The following CAMK1D variants were observed in gnomAD, a reference collection of about 807,000 sequenced individuals.
CAMK1D encodes the protein calcium/calmodulin-dependent protein kinase type 1D.
CAMK1D carries 9 observed loss-of-function variants against 47.7 expected under a neutral mutation model. The ratio of observed to expected loss-of-function variants is 0.19; its 90% CI spans 0.11 to 0.33. The LOEUF is 0.33. CAMK1D is among the 10% of genes least tolerant of loss of function. CAMK1D has a pLI of 1.00. For synonymous variants in CAMK1D, 184 were observed against 184.9 expected, an observed-to-expected ratio of 0.99 and a Z score of 0.04; for missense variants, 291 against 488.7, an observed-to-expected ratio of 0.60 and a Z score of 3.81.
intron 2 of CAMK1D, among the ~76,000 whole-genome samples, chr10:12,632,766 C>A (rs1839417349): frequency 6.6e-6 from 1 of 152,122 alleles, no homozygotes; most frequent in African/African-American, 2.4e-5. Context: ...ATGATCTCGG[C>A]TCCCTGCAAC....
At chr10:12,757,439 T>C (rs193154666) in intron 3 of CAMK1D, among the ~76,000 whole-genome samples, 9 of 152,216 alleles carry the variant, frequency 5.9e-5, no homozygotes, top group African/African-American at 1.9e-4. Flanking sequence ...AGGCTTGACA[T>C]AGAAGCTGTC....
chr10:12,416,349 A>G (rs1839850697), intron 1 of CAMK1D, among the ~76,000 whole-genome samples: 1 of 152,242 alleles, frequency 6.6e-6, no homozygotes, highest in South Asian at 2.1e-4. Context: ...TATTAATAGA[A>G]TAGACAGATC....
intron 2 of CAMK1D, among the ~76,000 whole-genome samples, chr10:12,616,728 A>G (rs955244106): frequency 6.6e-6 from 1 of 152,150 alleles, no homozygotes; most frequent in East Asian, 1.9e-4. Context: ...CTTGTTAGCC[A>G]GGATGGTCTC....
At chr10:12,546,828 G>A (rs1427201620) in intron 1 of CAMK1D, among the ~76,000 whole-genome samples, 1 of 149,018 alleles carries the variant, frequency 6.7e-6, no homozygotes, top group African/African-American at 2.5e-5. Context: ...GGGTGGGGGA[G>A]GGATAGCATT....
At chr10:12,357,742 A>G (rs573849382) in intron 1 of CAMK1D, among the ~76,000 whole-genome samples, 2 of 152,308 alleles carry the variant, frequency 1.3e-5, no homozygotes, top group Non-Finnish European at 2.9e-5. Context: ...TTAGTGCAGG[A>G]GGACACGTGG....
chr10:12,744,892 C>T (rs1835594186), intron 3 of CAMK1D, among the ~76,000 whole-genome samples: 1 of 152,176 alleles, frequency 6.6e-6, no homozygotes, highest in African/African-American at 2.4e-5. Flanking sequence ...CACAGCAAGA[C>T]CCTGTCTCTA....
rs550026274 is a variant in CAMK1D at position 12,482,280 on chromosome 10, G to A, written c.93-70945G>A. Among the ~76,000 whole-genome samples, 5 of 152,268 alleles carry A rather than the reference G, an allele frequency of 3.3e-5. 1 individual carries two copies. The East Asian group carries it at 9.7e-4, about 29-fold the overall frequency. ...GTGCCCAGCAGCACTTTGGGAAGCTGGGGGTGGTTCTGGAGGGAATGAGGC... is the reference window on the plus strand; with the variant it reads ...GTGCCCAGCAGCACTTTGGGAAGCTAGGGGTGGTTCTGGAGGGAATGAGGC... On this transcript the variant is annotated intron_variant, in intron 1 of 10. Coordinates refer to ENST00000619168, the MANE Select transcript of CAMK1D (RefSeq NM_153498.4).
intron 1 of CAMK1D, among the ~76,000 whole-genome samples, chr10:12,402,718 G>A (rs529589462): frequency 6.6e-6 from 1 of 152,262 alleles, no homozygotes; most frequent in East Asian, 1.9e-4. Flanking sequence ...GGGGTTGGAG[G>A]GGCAGGATAG....
intron 1 of CAMK1D, among the ~76,000 whole-genome samples, chr10:12,395,698 TGA>T (rs1292830509): frequency 6.6e-6 from 1 of 151,898 alleles, no homozygotes; most frequent in African/African-American, 2.4e-5. Context: ...GTGAATTACT[TGA>T]GGTCAGGAGT....
At chr10:12,586,141 G>A (rs542375712) in intron 2 of CAMK1D, among the ~76,000 whole-genome samples, 8 of 152,254 alleles carry the variant, frequency 5.3e-5, no homozygotes, top group African/African-American at 1.2e-4. Context: ...GCACAGTGGC[G>A]TTCTCCCACC....
chr10:12,623,090 T>C, intron 2 of CAMK1D, among the ~76,000 whole-genome samples: 1 of 103,548 alleles, frequency 9.7e-6, no homozygotes, highest in African/African-American at 3.7e-5. Context: ...CCTTCCTCCC[T>C]CCCTTCCTCC....
chr10:12,569,477 G>A (rs1209389553), intron 2 of CAMK1D, among the ~76,000 whole-genome samples: 3 of 151,692 alleles, frequency 2.0e-5, no homozygotes, highest in African/African-American at 7.3e-5. Flanking sequence ...TCGGGAGGCC[G>A]AGGCAGGCAG....
chr10:12,621,208 G>A (rs971820831), intron 2 of CAMK1D, among the ~76,000 whole-genome samples: 2 of 150,918 alleles, frequency 1.3e-5, no homozygotes, highest in African/African-American at 2.4e-5. Flanking sequence ...ATAATGGGTC[G>A]AGTAGTCTTA....
At chr10:12,439,918 A>T (rs993142364) in intron 1 of CAMK1D, among the ~76,000 whole-genome samples, 18 of 152,212 alleles carry the variant, frequency 1.2e-4, no homozygotes, top group African/African-American at 4.3e-4. Context: ...AGAGAGAATG[A>T]GAACCAGGTG....
At chr10:12,520,047 G>T in intron 1 of CAMK1D, among the ~76,000 whole-genome samples, 1 of 82,170 alleles carries the variant, frequency 1.2e-5, no homozygotes, top group Non-Finnish European at 2.6e-5. Flanking sequence ...CCCGGACGGG[G>T]CGGCTGGCCG....
chr10:12,463,199 G>A (rs771379783), intron 1 of CAMK1D, among the ~76,000 whole-genome samples: 4 of 150,252 alleles, frequency 2.7e-5, no homozygotes, highest in Non-Finnish European at 4.4e-5. Context: ...GAGCAATGGC[G>A]TGATCTTGGC....
intron 2 of CAMK1D, among the ~76,000 whole-genome samples, chr10:12,630,008 G>A (rs1470330583): frequency 6.6e-6 from 1 of 152,216 alleles, no homozygotes; most frequent in Non-Finnish European, 1.5e-5. Flanking sequence ...AGAGGCTGAG[G>A]TCAGAAGGAC....
chr10:12,730,635 A>G (rs1300440270), intron 3 of CAMK1D, among the ~76,000 whole-genome samples: 1 of 152,148 alleles, frequency 6.6e-6, no homozygotes, highest in African/African-American at 2.4e-5. Context: ...ACCAACATTA[A>G]GAGCTGGGGA....
At chr10:12,802,815 C>T (rs111289291) in intron 6 of CAMK1D, among the ~76,000 whole-genome samples, 7,794 of 152,314 alleles carry the variant, frequency 0.051, 222 homozygotes, top group Non-Finnish European at 0.059. Context: ...TCCCCGCCCC[C>T]GGCCTGCTCT....
Sources: allele counts gnomAD v4.1 joint callset (sites outside exome capture counted in the v4.1 genomes callset), GRCh38; gene constraint gnomAD v4.1.1; transcripts MANE v1.5; gene names NCBI Gene and HGNC (gene_info 2026-07-23, HGNC 2026-07-21).